SLC7A14: variants seen among roughly 807,000 people sequenced by gnomAD.
SLC7A14 encodes gamma-aminobutyric acid transporter SLC7A14.
A neutral mutation model predicts 60.2 loss-of-function variants in SLC7A14; 37 were observed. That is an observed-to-expected ratio of 0.61 (90% CI 0.47 to 0.81). SLC7A14 has a LOEUF of 0.81. Among genes scored for constraint, SLC7A14 ranks in the 30% least tolerant of loss-of-function variants. SLC7A14 has a pLI of 0.00. For synonymous variants in SLC7A14, 399 were observed against 395.8 expected (o/e 1.01, Z -0.10); for missense variants, 886 against 982.7 (o/e 0.90, Z 1.32).
intron 2 of SLC7A14, among the ~76,000 whole-genome samples, chr3:170,504,030 C>T (rs1317709835): frequency 1.3e-5 from 2 of 152,156 alleles, no homozygotes; most frequent in African/African-American, 2.4e-5. Context: ...TTCTGCTTCA[C>T]GAAATCGTTG....
At chr3:170,516,247 C>T (rs1335113038) in intron 2 of SLC7A14, among the ~76,000 whole-genome samples, 1 of 152,196 alleles carries the variant, frequency 6.6e-6, no homozygotes, top group Non-Finnish European at 1.5e-5. Context: ...ACACCTTTCT[C>T]CTCACTGCTG....
At chr3:170,489,205 C>T (rs1174346075) in intron 4 of SLC7A14, among the ~76,000 whole-genome samples, 1 of 152,160 alleles carries the variant, frequency 6.6e-6, no homozygotes, top group Non-Finnish European at 1.5e-5. Context: ...CTGTAAACTA[C>T]CCATCTGACA....
In SLC7A14 at chr3:170,516,050, C is replaced by T. The variant is rs533758636; in HGVS notation, c.304+10583G>A. Among the ~76,000 whole-genome samples, 23 of 152,264 alleles carry T rather than the reference C, an allele frequency of 1.5e-4. No homozygotes were observed. The South Asian group carries it at 2.3e-3, about 15-fold the overall frequency. On this transcript the variant is annotated intron_variant, in intron 2 of 7. Coordinates refer to ENST00000231706, the MANE Select transcript of SLC7A14 (RefSeq NM_020949.3). ...GCACTGTCCACACTACTAGGTGCTG[C>T]AGAAGATGTAAAAGAAGCCCAGGTT...
intron 2 of SLC7A14, among the ~76,000 whole-genome samples, chr3:170,503,234 G>T (rs758567993): frequency 4.6e-5 from 7 of 152,080 alleles, no homozygotes; most frequent in Admixed American, 1.3e-4. Context: ...ACTTCTTGTT[G>T]CTGTCCCAGT....
At chr3:170,560,999 C>T (rs1272816978) in intron 1 of SLC7A14, among the ~76,000 whole-genome samples, 1 of 152,142 alleles carries the variant, frequency 6.6e-6, no homozygotes, top group Non-Finnish European at 1.5e-5. Flanking sequence ...GCAGAAAAGA[C>T]ACCCCCTTCC....
intron 1 of SLC7A14, among the ~76,000 whole-genome samples, chr3:170,582,817 A>G (rs556612767): frequency 4.1e-4 from 62 of 152,336 alleles, no homozygotes; most frequent in African/African-American, 1.3e-3. Context: ...GGAACTATCA[A>G]TTAAATACAA....
At chr3:170,502,807 T>G (rs1251142268) in intron 2 of SLC7A14, 1 of 152,234 alleles carries the variant, frequency 6.6e-6, no homozygotes, top group African/African-American at 2.4e-5. Context: ...TTCTTTCCCC[T>G]CAGCTGCTTC....
intron 1 of SLC7A14, among the ~76,000 whole-genome samples, chr3:170,579,989 A>G (rs1715193138): frequency 6.6e-6 from 1 of 152,206 alleles, no homozygotes; most frequent in African/African-American, 2.4e-5. Flanking sequence ...TTATGCCCCG[A>G]GAAGGGCTAG....
At chr3:170,492,260 G>C (rs1057067418) in intron 4 of SLC7A14, among the ~76,000 whole-genome samples, 1 of 152,178 alleles carries the variant, frequency 6.6e-6, no homozygotes, top group Admixed American at 6.5e-5. Context: ...ATGTGTGTTC[G>C]TGTGCAAGTG....
At chr3:170,560,386 C>A (rs1714613431) in intron 1 of SLC7A14, among the ~76,000 whole-genome samples, 1 of 152,124 alleles carries the variant, frequency 6.6e-6, no homozygotes, top group Non-Finnish European at 1.5e-5. Flanking sequence ...TTTAAAATTC[C>A]TACAGATGTA....
intron 1 of SLC7A14, among the ~76,000 whole-genome samples, chr3:170,557,315 C>T (rs1372331291): frequency 2.0e-5 from 3 of 151,886 alleles, no homozygotes; most frequent in Non-Finnish European, 4.4e-5. Context: ...CAGCAATGGG[C>T]AGTTCTGCTG....
intron 1 of SLC7A14, among the ~76,000 whole-genome samples, chr3:170,558,133 C>T (rs1460704368): frequency 6.6e-6 from 1 of 152,032 alleles, no homozygotes; most frequent in Non-Finnish European, 1.5e-5. Context: ...TTTAGGAGGC[C>T]GAGGTGGGTG....
At chr3:170,518,997 A>G (rs1032554296) in intron 2 of SLC7A14, among the ~76,000 whole-genome samples, 8 of 152,188 alleles carry the variant, frequency 5.3e-5, no homozygotes, top group Non-Finnish European at 1.0e-4. Flanking sequence ...ATAAAAGTCT[A>G]TGGCACACAC....
chr3:170,576,329 C>A (rs972387646), intron 1 of SLC7A14, among the ~76,000 whole-genome samples: 2 of 152,218 alleles, frequency 1.3e-5, no homozygotes, highest in Non-Finnish European at 2.9e-5. Flanking sequence ...AATGTTTCTT[C>A]AATAAATTGC....
At chr3:170,490,242 A>G (rs1229570523) in intron 4 of SLC7A14, among the ~76,000 whole-genome samples, 1 of 152,158 alleles carries the variant, frequency 6.6e-6, no homozygotes, top group African/African-American at 2.4e-5. Context: ...CACAAAACAA[A>G]CCCAGAAAAA....
In SLC7A14 at chr3:170,535,197, G is replaced by T. The variant is rs1189359484; in HGVS notation, c.-152-8109C>A. Among the ~76,000 whole-genome samples the T allele has an allele frequency of 6.6e-6, 1 of 151,670 alleles. No individual in the cohort carries two copies. The highest frequency in any genetic ancestry group is 1.9e-4 in the East Asian group (1 of 5,168). The stretch of plus-strand genomic sequence containing the variant: ...CGCAGATCAGGGTCTCCCAGGTTAG[G>T]GTCTCAGGTCTCTGCTTGGTGTCAT... On this transcript the variant is annotated intron_variant, in intron 1 of 7. Coordinates refer to ENST00000231706, the MANE Select transcript of SLC7A14 (RefSeq NM_020949.3). This position sits in a 1 kb window ranked among gnomAD's most constrained non-coding sequence, Gnocchi z 4.3.
intron 2 of SLC7A14, among the ~76,000 whole-genome samples, chr3:170,515,826 G>T (rs999503909): frequency 6.6e-6 from 1 of 152,178 alleles, no homozygotes; most frequent in Non-Finnish European, 1.5e-5. Context: ...CAGACCTCAG[G>T]TGTCCCGACT....
chr3:170,463,392 T>C lies in SLC7A14; in HGVS notation c.*3663A>G, dbSNP rs1265785865. Reference sequence around the variant, plus strand: ...CACAAGTTCCAACACAAGTGTGACATTCTTTATGACCTTTCCAGAGGAAGA... The same window carrying C: ...CACAAGTTCCAACACAAGTGTGACACTCTTTATGACCTTTCCAGAGGAAGA... On this transcript the variant is annotated 3_prime_UTR_variant, in exon 8 of 8. Coordinates refer to ENST00000231706, the MANE Select transcript of SLC7A14 (RefSeq NM_020949.3). 2.0e-5 allele frequency: 3 copies of C among 152,156 alleles called. No individual in the cohort carries two copies. Among genetic ancestry groups the C allele is most frequent in the African/African-American group, 7.2e-5 (3 of 41,438 alleles). 9.4% of individuals were successfully genotyped at this position (152,156 alleles called of 1,614,324 possible). A position where few individuals can be genotyped will look rare whatever the true frequency, so the allele number is the denominator to read the frequency against.
intron 7 of SLC7A14, among the ~76,000 whole-genome samples, chr3:170,470,340 A>ATG (rs1406273821): frequency 1.1e-3 from 84 of 76,624 alleles, no homozygotes; most frequent in African/African-American, 4.0e-3. Context: ...GTGTGTGTGT[A>ATG]TGTGTGTGTG....
Sources: allele counts gnomAD v4.1 joint callset (sites outside exome capture counted in the v4.1 genomes callset), GRCh38; gene constraint gnomAD v4.1.1; non-coding constraint Gnocchi (gnomAD v3.1); transcripts MANE v1.5; gene names NCBI Gene and HGNC (gene_info 2026-07-23, HGNC 2026-07-21).